Variants in MID1 observed in about 807,000 individuals in gnomAD.
The protein encoded by MID1 is E3 ubiquitin-protein ligase Midline-1.
A neutral mutation model predicts 40.4 loss-of-function variants in MID1; 7 were observed. The observed-to-expected ratio is 0.17, with a 90% confidence interval of 0.10 to 0.33. MID1 has a LOEUF of 0.33. Ranked by LOEUF, MID1 falls within the 10% of genes least tolerant of loss-of-function variation. The pLI is 1.00. For synonymous variants in MID1, 229 were observed against 221.2 expected (o/e 1.04, Z -0.31); for missense variants, 367 against 558.5 (o/e 0.66, Z 3.46).
At chrX:10,615,238 C>G (rs1304871449) in intron 1 of MID1, among the ~76,000 whole-genome samples, 1 of 111,837 alleles carries the variant, frequency 8.9e-6, no homozygotes, top group African/African-American at 3.3e-5. Context: ...CATTATGCTA[C>G]TGGTACAATA....
intron 1 of MID1, among the ~76,000 whole-genome samples, chrX:10,614,211 A>G (rs966649602): frequency 9.0e-6 from 1 of 111,695 alleles, no homozygotes; most frequent in African/African-American, 3.3e-5. Flanking sequence ...TTCTAATCCA[A>G]GTAGACAGTG....
rs1206390719 is a variant in MID1, at chrX:10,482,597, A to G, written c.896T>C (p.Ile299Thr). The change falls in exon 5 of 10, where the codon ATT becomes ACT. Residue 299 changes from isoleucine to threonine, a missense_variant. This residue lies in a region of MID1 where 275 missense variants were observed against 383.1 expected (regional missense o/e 0.72). Transcript: ENST00000317552. ...CTCAATGCACTGTTTGCAGTTTGCA[A>G]TCTGCTGAGCCAGTTTGCGAAGCCT... The part of the protein sequence containing the change: ...VMRLRKLAQQ[I>T]ANCKQCIERS... The G allele has an allele frequency of 8.3e-7, 1 of 1,209,552 alleles. No individual in the cohort carries two copies. The highest frequency in any genetic ancestry group is 1.1e-6 in the Non-Finnish European group (1 of 895,156).
At chrX:10,809,912 TAATAATAAAAA>T (rs946076456) in intron 1 of MID1, among the ~76,000 whole-genome samples, 5 of 109,910 alleles carry the variant, frequency 4.5e-5, no homozygotes, top group African/African-American at 6.6e-5. Context: ...ACTTAAAGTA[TAATAATAAAAA>T]AATAATAAAA....
intron 1 of MID1, among the ~76,000 whole-genome samples, chrX:10,581,576 G>A (rs182242750): frequency 5.2e-4 from 58 of 111,655 alleles, no homozygotes; most frequent in Admixed American, 2.5e-3. Flanking sequence ...GTCCTGAATC[G>A]CCTCTTCCCA....
intron 1 of MID1, among the ~76,000 whole-genome samples, chrX:10,583,894 G>A (rs889189063): frequency 7.1e-4 from 79 of 110,669 alleles, no homozygotes; most frequent in Non-Finnish European, 9.8e-4. Context: ...AGCTGGGCAC[G>A]GTGGCAGACG....
At chrX:10,459,076 G>A (rs1928862543) in intron 8 of MID1, among the ~76,000 whole-genome samples, 1 of 111,012 alleles carries the variant, frequency 9.0e-6, no homozygotes, top group Non-Finnish European at 1.9e-5. Flanking sequence ...GATTGGGGAT[G>A]TTTCCCATCA....
intron 1 of MID1, among the ~76,000 whole-genome samples, chrX:10,602,225 CTT>C (rs56897260): frequency 3.6e-4 from 30 of 83,449 alleles, no homozygotes; most frequent in Admixed American, 3.9e-4. Context: ...TAGTTTCTGA[CTT>C]TTTTTTTTTT....
intron 1 of MID1, among the ~76,000 whole-genome samples, chrX:10,597,267 A>G (rs1049105404): frequency 4.5e-5 from 5 of 111,543 alleles, no homozygotes; most frequent in Non-Finnish European, 9.4e-5. Flanking sequence ...ATGGGATCAG[A>G]CTTTACGTTT....
intron 1 of MID1, among the ~76,000 whole-genome samples, chrX:10,573,720 T>C (rs1431968552): frequency 1.8e-5 from 2 of 112,289 alleles, no homozygotes; most frequent in African/African-American, 6.5e-5. Flanking sequence ...TATGGTTCCT[T>C]TGACAGGGCC....
intron 1 of MID1, among the ~76,000 whole-genome samples, chrX:10,641,584 G>T (rs1342891071): frequency 1.8e-5 from 2 of 111,497 alleles, no homozygotes; most frequent in African/African-American, 6.5e-5. Context: ...TTCTACCAGA[G>T]GTACAAAGAG....
intron 1 of MID1, among the ~76,000 whole-genome samples, chrX:10,656,892 A>G (rs1380963711): frequency 1.8e-5 from 2 of 111,296 alleles, no homozygotes; most frequent in African/African-American, 6.5e-5. Context: ...TTGATTCTCA[A>G]TATCAACCAG....
chrX:10,832,938 T>G (rs892159202), intron 1 of MID1, among the ~76,000 whole-genome samples: 1 of 112,524 alleles, frequency 8.9e-6, no homozygotes, highest in Non-Finnish European at 1.9e-5. Context: ...TTCACCGTTC[T>G]CGCCATATAT....
At chrX:10,584,856 C>T (rs1189818606) in intron 1 of MID1, among the ~76,000 whole-genome samples, 3 of 111,016 alleles carry the variant, frequency 2.7e-5, no homozygotes, top group Non-Finnish European at 3.8e-5. Flanking sequence ...GGGGTTTATT[C>T]GGCTGGGGGC....
intron 2 of MID1, among the ~76,000 whole-genome samples, chrX:10,553,204 C>T (rs901513055): frequency 9.3e-6 from 1 of 107,728 alleles, no homozygotes; most frequent in Non-Finnish European, 1.9e-5. Flanking sequence ...GCCGAGATCA[C>T]GCCACTGGAC....
intron 1 of MID1, among the ~76,000 whole-genome samples, chrX:10,640,198 C>G (rs758058203): frequency 8.9e-6 from 1 of 111,791 alleles, no homozygotes; most frequent in African/African-American, 3.3e-5. Context: ...GCTAAATGCT[C>G]CAATTAAAAG....
At chrX:10,543,506 T>C (rs1313928616) in intron 2 of MID1, among the ~76,000 whole-genome samples, 1 of 111,111 alleles carries the variant, frequency 9.0e-6, no homozygotes, top group Admixed American at 9.6e-5. Context: ...CTCTTAATAA[T>C]GTGATAAGGA....
chrX:10,701,995 AGT>A (rs1360605318), intron 1 of MID1, among the ~76,000 whole-genome samples: 5 of 112,803 alleles, frequency 4.4e-5, no homozygotes, highest in Non-Finnish European at 9.4e-5. Context: ...TGTAAAGCTA[AGT>A]GTTCAAATTC....
chrX:10,454,104 T>C (rs952222959), intron 9 of MID1, among the ~76,000 whole-genome samples: 1 of 112,224 alleles, frequency 8.9e-6, no homozygotes, highest in Non-Finnish European at 1.9e-5. Flanking sequence ...AAGGTTAACT[T>C]TGTGAGGTTA....
At chrX:10,474,141 A>G (rs907735727) in intron 6 of MID1, among the ~76,000 whole-genome samples, 1 of 111,978 alleles carries the variant, frequency 8.9e-6, no homozygotes, top group African/African-American at 3.3e-5. Flanking sequence ...CCTGATTTCC[A>G]GCAAGACGGC....
Sources: gnomAD v4.1 joint callset for allele counts (sites outside exome capture counted in the v4.1 genomes callset) on GRCh38, gnomAD v4.1.1 for gene constraint, gnomAD v4.1.1 regional missense constraint, MANE v1.5 for transcripts, NCBI Gene and HGNC (gene_info 2026-07-23, HGNC 2026-07-21) for gene names.